SCN1B: variants seen among roughly 807,000 people sequenced by gnomAD.
The protein encoded by SCN1B is sodium voltage-gated channel beta subunit 1.
Under a neutral mutation model 25.7 loss-of-function variants are expected in SCN1B, and 11 were observed. The observed-to-expected ratio is 0.43, with a 90% CI of 0.27 to 0.71. The LOEUF is 0.71. Among genes scored for constraint, SCN1B ranks in the 30% least tolerant of loss-of-function variants. The pLI, the probability that SCN1B is intolerant of heterozygous loss-of-function variation, is 0.21. For missense variants in SCN1B, 224 were observed against 291.5 expected (o/e 0.77, Z 1.69); for synonymous variants, 119 against 117.5 (o/e 1.01, Z -0.08).
Position 35,039,725 on chromosome 19 carries a change from C to T in SCN1B, c.*5+19C>T, listed in dbSNP as rs374859313. 1.2e-6 allele frequency: 2 copies of T among 1,613,074 alleles called. No homozygotes were observed. Among genetic ancestry groups the T allele is most frequent in the African/African-American group, 2.7e-5 (2 of 74,900 alleles). On this transcript the variant is annotated intron_variant, in intron 5 of 5. Transcript: ENST00000262631. Reference sequence around the variant, plus strand: ...AGCCCTGGTAAGGCGGATGGGCTGGCAGAGGGGAAGGGGATTGGGAGGGGC... The same window carrying T: ...AGCCCTGGTAAGGCGGATGGGCTGGTAGAGGGGAAGGGGATTGGGAGGGGC...
intron 3 of SCN1B, chr19:35,035,530 T>C (rs1374319733): frequency 6.6e-6 from 1 of 152,198 alleles, no homozygotes; most frequent in Admixed American, 6.5e-5. Flanking sequence ...CCTTAGGTAA[T>C]GATCCACCTG....
Position 35,040,089 on chromosome 19 carries a change from G to A in SCN1B, c.*298G>A, listed in dbSNP as rs1468229753. 1 of 298,756 alleles carries A rather than the reference G, an allele frequency of 3.3e-6. No individual in the cohort carries two copies. The highest frequency in any genetic ancestry group is 6.6e-6 in the Non-Finnish European group (1 of 152,092). 18.5% of individuals were successfully genotyped at this position (298,756 alleles called of 1,614,324 possible). On this transcript the variant is annotated 3_prime_UTR_variant, in exon 6 of 6. Transcript: ENST00000262631. ...GGAGGGGGGCGGTGAGGTGGGGGCA[G>A]CGGCCCCGCACCCCTCCTCCTTGCT...
Position 35,039,974 on chromosome 19 carries a change from C to T in SCN1B, c.*183C>T. 1 of 554,002 alleles carries T rather than the reference C, an allele frequency of 1.8e-6. No homozygotes were observed. Among genetic ancestry groups the T allele is most frequent in the East Asian group, 3.1e-5 (1 of 32,376 alleles). 34.3% of individuals were successfully genotyped at this position (554,002 alleles called of 1,614,324 possible). A position where few individuals can be genotyped will look rare whatever the true frequency, so the allele number is the denominator to read the frequency against. ...CTCGCACCCCCACTTTCGCCTCCTC[C>T]AGCTCCTGCCCCGCCGGCCGCGCAC... On this transcript the variant is annotated 3_prime_UTR_variant, in exon 6 of 6. Coordinates refer to ENST00000262631, the MANE Select transcript of SCN1B (RefSeq NM_001037.5).
intron 3 of SCN1B, chr19:35,037,240 G>A (rs1489094611): frequency 2.0e-5 from 3 of 152,206 alleles, no homozygotes; most frequent in African/African-American, 7.2e-5. Flanking sequence ...GCTGCTGAGG[G>A]CTGCCCACCT....
In SCN1B at chr19:35,039,678, A is replaced by C. The variant is rs779647023; in HGVS notation, c.634A>C (p.Thr212Pro). Residue 212 changes from threonine to proline, a missense_variant, in exon 5 of 6, where the codon ACG becomes CCG. Physicochemically the swap from Thr to Pro is conservative, Grantham distance 38 (BLOSUM62 -1). Coordinates refer to ENST00000262631, the MANE Select transcript of SCN1B (RefSeq NM_001037.5). ...CACCTCTGAAAGCAAAGAGAACTGC[A>C]CGGGCGTCCAGGTGGCCGAATAGCC... ...AITSESKENC[T>P]GVQVAE 3.1e-6 allele frequency: 5 copies of C among 1,614,192 alleles called. No homozygotes were observed. In the East Asian group the frequency reaches 1.1e-4, roughly 36 times the overall value.
At chr19:35,036,076 C>T (rs529684878) in intron 3 of SCN1B, 1 of 151,466 alleles carries the variant, frequency 6.6e-6, no homozygotes, top group East Asian at 2.0e-4. Flanking sequence ...CTATGTTGCC[C>T]AGGATGGTCT....
intron 1 of SCN1B, chr19:35,031,905 G>C (rs973821280): frequency 1.2e-5 from 2 of 161,002 alleles, no homozygotes; most frequent in Non-Finnish European, 2.7e-5. Flanking sequence ...TAGAGGCGAG[G>C]AGCCTGGGGA....
At chr19:35,039,425 TCA>T in intron 4 of SCN1B, 167 bp downstream of exon 4, 1 of 1,065,202 alleles carries the variant, frequency 9.4e-7, no homozygotes. Context: ...ATAGGGGTCG[TCA>T]GACCCAGCCC....
rs960608517 is a variant in SCN1B, at chr19:35,032,219, G to C, written c.41-309G>C. On this transcript the variant is annotated intron_variant, in intron 1 of 5. Transcript: ENST00000262631. The surrounding 1 kb of genome is among the most constrained non-coding windows in gnomAD (Gnocchi z 4.3). ...GGAAGGGGCACTCGGGTAGCATAAAGTCTGAGTTACCGGCAACGTTGACAG... is the reference window on the plus strand; with the variant it reads ...GGAAGGGGCACTCGGGTAGCATAAACTCTGAGTTACCGGCAACGTTGACAG... 6.6e-6 allele frequency among the ~76,000 whole-genome samples: 1 copy of C among 152,330 alleles called. No individual in the cohort carries two copies. The highest frequency in any genetic ancestry group is 1.5e-5 in the Non-Finnish European group (1 of 68,032).
At chr19:35,034,249 A>G (rs907066969) in intron 3 of SCN1B, 2 of 1,376,196 alleles carry the variant, frequency 1.5e-6, no homozygotes, top group African/African-American at 2.9e-5. Flanking sequence ...GAGGCAAGAG[A>G]GCGTGCCACC....
At chr19:35,033,849 C>A (rs2064231112) in intron 3 of SCN1B, 110 bp downstream of exon 3, 1 of 1,611,036 alleles carries the variant, frequency 6.2e-7, no homozygotes, top group African/African-American at 1.3e-5. Context: ...GGCCAGCCAA[C>A]CGCCCACAGC....
At chr19:35,038,046 C>A (rs2151748252) in intron 3 of SCN1B, 1 of 150,380 alleles carries the variant, frequency 6.6e-6, no homozygotes, top group Non-Finnish European at 1.5e-5. Flanking sequence ...CGCAGGGAAG[C>A]TGGGGCAGGG....
At chr19:35,034,443 C>A (rs948633052) in intron 3 of SCN1B, 6 of 307,644 alleles carry the variant, frequency 2.0e-5, no homozygotes, top group African/African-American at 1.3e-4. Flanking sequence ...CGCTTTTGAA[C>A]GTCTCATCAT....
chr19:35,039,228 C>A lies in SCN1B; in HGVS notation c.560C>A (p.Ala187Asp), dbSNP rs749338180. Residue 187 changes from alanine (A) to aspartate (D), a missense_variant, in exon 4 of 6, where the codon GCC becomes GAC. This residue lies in a region of SCN1B where 52 missense variants were observed against 50.8 expected (regional missense o/e 1.02). Coordinates refer to ENST00000262631, the MANE Select transcript of SCN1B (RefSeq NM_001037.5). ...EMIYCYKKIA[A>D]ATETAAQENA... is the part of the protein sequence containing the mutation. ...ATTTACTGCTACAAGAAGATCGCTG[C>A]CGCCACGGAGACTGCTGCACAGGAG... The A allele has an allele frequency of 2.6e-5, 42 of 1,613,856 alleles. No homozygotes were observed. Among genetic ancestry groups the A allele is most frequent in the African/African-American group, 5.3e-5 (4 of 74,926 alleles).
chr19:35,037,073 C>T (rs765478929), intron 3 of SCN1B: 1 of 152,104 alleles, frequency 6.6e-6, no homozygotes, highest in Non-Finnish European at 1.5e-5. Context: ...TATTTTTATC[C>T]ACCATCTCGC....
At chr19:35,038,250 C>T (rs1265285974) in intron 3 of SCN1B, 1 of 152,124 alleles carries the variant, frequency 6.6e-6, no homozygotes, top group Non-Finnish European at 1.5e-5. Flanking sequence ...CTAGGAAATC[C>T]AGCCGAGGAC....
intron 2 of SCN1B, among the ~76,000 whole-genome samples, 153 bp from the exon 3 acceptor site, chr19:35,033,346 C>G (rs2064226336): frequency 1.3e-5 from 2 of 152,060 alleles, no homozygotes; most frequent in African/African-American, 4.8e-5. Context: ...CCTAGCCCCC[C>G]ACCCCTGTGC....
chr19:35,038,409 G>C (rs575960737), intron 3 of SCN1B: 1 of 156,662 alleles, frequency 6.4e-6, no homozygotes, highest in Non-Finnish European at 1.4e-5. Context: ...CACTTCAGCA[G>C]TGCTGGCTGC....
Position 35,032,778 on chromosome 19 carries a change from A to G in SCN1B, c.207+84A>G, listed in dbSNP as rs1216393801. On this transcript the variant is annotated intron_variant, in intron 2 of 5. Transcript: ENST00000262631. This position sits in a 1 kb window ranked among gnomAD's most constrained non-coding sequence, Gnocchi z 4.3. ...GGGCTGGATCTCAGGGAGGGGGCTT[A>G]TTTGTTTAATAATATGCTGTGATTG... 1 of 1,466,740 alleles carries G rather than the reference A, an allele frequency of 6.8e-7. No individual in the cohort carries two copies. Among genetic ancestry groups the G allele is most frequent in the African/African-American group, 1.4e-5 (1 of 72,012 alleles). The allele number at this position is 1,466,740 out of a possible 1,614,324, so 90.9% of individuals were successfully genotyped here. A position where few individuals can be genotyped will look rare whatever the true frequency, so the allele number is the denominator to read the frequency against.
Sources: gnomAD v4.1 joint callset for allele counts (sites outside exome capture counted in the v4.1 genomes callset) on GRCh38, gnomAD v4.1.1 for gene constraint, gnomAD v4.1.1 regional missense constraint, Gnocchi (gnomAD v3.1) non-coding constraint, MANE v1.5 for transcripts, NCBI Gene and HGNC (gene_info 2026-07-23, HGNC 2026-07-21) for gene names.